The following OPHN1 variants were observed in gnomAD, a reference collection of about 807,000 sequenced individuals.
OPHN1 encodes the protein oligophrenin-1.
A neutral mutation model predicts 60.7 loss-of-function variants in OPHN1; 11 were observed. That is an observed-to-expected ratio of 0.18 (90% CI 0.11 to 0.30). The LOEUF (loss-of-function observed/expected upper bound fraction) is 0.30, where lower values mean the gene tolerates loss of function less well. OPHN1 is among the 10% of genes least tolerant of loss of function. OPHN1 has a pLI of 1.00. For missense variants in OPHN1, 449 were observed against 611.0 expected (o/e 0.73, Z 2.80); for synonymous variants, 226 against 222.6 (o/e 1.02, Z -0.14).
At chrX:68,095,927 C>T (rs759672121) in intron 19 of OPHN1, among the ~76,000 whole-genome samples, 25 of 111,649 alleles carry the variant, frequency 2.2e-4, no homozygotes, top group African/African-American at 7.2e-4. Flanking sequence ...ATGTATGATG[C>T]CTTATATTTT....
At chrX:68,070,663 T>C in intron 20 of OPHN1, 2 of 863,543 alleles carry the variant, frequency 2.3e-6, no homozygotes, top group Admixed American at 4.4e-5. Context: ...CCACCACCTA[T>C]GATGGTAATG....
intron 6 of OPHN1, among the ~76,000 whole-genome samples, chrX:68,217,564 G>C (rs987385177): frequency 9.2e-6 from 1 of 109,234 alleles, no homozygotes; most frequent in African/African-American, 3.3e-5. Flanking sequence ...GGTTCTCCCA[G>C]CATGCAGCTG....
intron 7 of OPHN1, among the ~76,000 whole-genome samples, chrX:68,212,790 A>C (rs964329779): frequency 8.9e-6 from 1 of 112,423 alleles, no homozygotes; most frequent in Non-Finnish European, 1.9e-5. Context: ...ATATAAAGAC[A>C]TTCATCATTT....
At chrX:68,432,672 A>G (rs2078891521) in intron 2 of OPHN1, among the ~76,000 whole-genome samples, 195 bp downstream of exon 2, 2 of 111,673 alleles carry the variant, frequency 1.8e-5, no homozygotes, top group African/African-American at 6.5e-5. Flanking sequence ...CACTAAAGGA[A>G]AAGGCCCAAA....
intron 5 of OPHN1, among the ~76,000 whole-genome samples, chrX:68,243,233 G>C (rs574265239): frequency 9.0e-6 from 1 of 111,044 alleles, no homozygotes; most frequent in African/African-American, 3.3e-5. Flanking sequence ...AAAATGGGGA[G>C]TCATTCCTTA....
chrX:68,270,417 G>T (rs1257237820), intron 5 of OPHN1, among the ~76,000 whole-genome samples: 8 of 110,271 alleles, frequency 7.3e-5, no homozygotes, highest in East Asian at 2.9e-4. Context: ...CCATAAAAAA[G>T]GATGAGTTCA....
intron 2 of OPHN1, among the ~76,000 whole-genome samples, chrX:68,363,004 T>C (rs1569292371): frequency 9.0e-6 from 1 of 110,790 alleles, no homozygotes; most frequent in East Asian, 2.9e-4. Flanking sequence ...TCCCAGCATT[T>C]TGGGATGCCA....
Position 68,193,138 on chromosome X carries a change from C to G in OPHN1, c.1202-145G>C, listed in dbSNP as rs754179803. 1.4e-5 allele frequency: 7 copies of G among 506,861 alleles called. No individual in the cohort carries two copies. The East Asian group carries it at 2.6e-4, about 19-fold the overall frequency. The allele number at this position is 506,861 out of a possible 1,213,427, so 41.8% of individuals were successfully genotyped here. On this transcript the variant is annotated intron_variant, in intron 14 of 24. Transcript: ENST00000355520. ...CCTTCCCTGTAACAGGGGAATAGTC[C>G]TACAGCATCTCTCCAAATTATCCAT...
At chrX:68,222,784 G>T (rs1366249405) in intron 6 of OPHN1, among the ~76,000 whole-genome samples, 2 of 71,659 alleles carry the variant, frequency 2.8e-5, no homozygotes, top group East Asian at 5.5e-4. Flanking sequence ...GTTGTGGGGT[G>T]GGGGGAGGGG....
At chrX:68,172,866 A>G (rs1290177519) in intron 15 of OPHN1, among the ~76,000 whole-genome samples, 1 of 111,351 alleles carries the variant, frequency 9.0e-6, no homozygotes, top group Non-Finnish European at 1.9e-5. Flanking sequence ...ACACCGAGCC[A>G]GGCTCCATAT....
chrX:68,080,118 A>T (rs936489497), intron 19 of OPHN1, among the ~76,000 whole-genome samples: 15 of 111,185 alleles, frequency 1.3e-4, no homozygotes, highest in Admixed American at 9.6e-5. Flanking sequence ...TGTTTCAATG[A>T]CTCTTCACTG....
At chrX:68,269,490 C>T (rs182738774) in intron 5 of OPHN1, among the ~76,000 whole-genome samples, 9 of 111,183 alleles carry the variant, frequency 8.1e-5, no homozygotes, top group Admixed American at 6.7e-4. Context: ...AATGGGGAAA[C>T]GATTCCCTAT....
intron 5 of OPHN1, among the ~76,000 whole-genome samples, chrX:68,241,590 G>A (rs1030125064): frequency 9.0e-6 from 1 of 111,233 alleles, no homozygotes; most frequent in African/African-American, 3.3e-5. Context: ...TTTGACAAAG[G>A]TCTAGTATGC....
chrX:68,133,212 C>T, intron 15 of OPHN1: 1 of 773,277 alleles, frequency 1.3e-6, no homozygotes, highest in Non-Finnish European at 2.0e-6. Flanking sequence ...CTCATAGCAC[C>T]TAGCTCTCCA....
At chrX:68,403,007 G>T (rs1360284254) in intron 2 of OPHN1, among the ~76,000 whole-genome samples, 3 of 112,321 alleles carry the variant, frequency 2.7e-5, no homozygotes, top group Non-Finnish European at 5.6e-5. Context: ...AGCCTGCCTA[G>T]AAAGAATGAC....
chrX:68,294,291 T>C (rs1406301079), intron 3 of OPHN1, among the ~76,000 whole-genome samples: 11 of 108,233 alleles, frequency 1.0e-4, no homozygotes, highest in Non-Finnish European at 1.5e-4. Context: ...GCCAACATGG[T>C]GAAACCCAGT....
At chrX:68,190,387 G>T (rs747981667) in intron 15 of OPHN1, among the ~76,000 whole-genome samples, 17 of 112,259 alleles carry the variant, frequency 1.5e-4, no homozygotes, top group African/African-American at 5.5e-4. Flanking sequence ...CACCACATCT[G>T]GAGTTTCATA....
At chrX:68,270,806 G>A (rs182285795) in intron 5 of OPHN1, among the ~76,000 whole-genome samples, 1 of 111,262 alleles carries the variant, frequency 9.0e-6, no homozygotes, top group Non-Finnish European at 1.9e-5. Context: ...CATTGTTCTT[G>A]TTGTCATGAG....
At chrX:68,128,582 C>T (rs183911489) in intron 15 of OPHN1, among the ~76,000 whole-genome samples, 45 of 111,024 alleles carry the variant, frequency 4.1e-4, no homozygotes, top group Non-Finnish European at 6.8e-4. Flanking sequence ...AAAAGACTTC[C>T]GTAAATGAAA....
Sources: allele counts gnomAD v4.1 joint callset (sites outside exome capture counted in the v4.1 genomes callset), GRCh38; gene constraint gnomAD v4.1.1; transcripts MANE v1.5; gene names NCBI Gene and HGNC (gene_info 2026-07-23, HGNC 2026-07-21).